CMTM7: variants seen among roughly 807,000 people sequenced by gnomAD.
CMTM7 encodes the protein CKLF-like MARVEL transmembrane domain-containing protein 7.
CMTM7 carries 7 observed loss-of-function variants against 19.3 expected under a neutral mutation model. The ratio of observed to expected loss-of-function variants is 0.36; its 90% CI spans 0.21 to 0.68. The LOEUF is 0.68. CMTM7 is among the 30% of genes least tolerant of loss of function. The pLI is 0.60. For missense variants in CMTM7, 193 were observed against 232.6 expected, an observed-to-expected ratio of 0.83 and a Z score of 1.11; for synonymous variants, 87 against 99.3, an observed-to-expected ratio of 0.88 and a Z score of 0.74.
At position 32,454,225 on chromosome 3, in the gene CMTM7, C is replaced by G. The variant is rs376841366; in HGVS notation, c.515-16C>G. ...CATCCCTGGCAAGCTGTCCTGACTG[C>G]CATTTCCTTCCCAAGATGCAGCCGT... On this transcript the variant is annotated splice_polypyrimidine_tract_variant and intron_variant, in intron 4 of 4. Transcript: ENST00000334983. 60 of 1,593,426 alleles carry G rather than the reference C, an allele frequency of 3.8e-5. No homozygotes were observed. Among genetic ancestry groups the G allele is most frequent in the Non-Finnish European group, 5.1e-5 (59 of 1,165,932 alleles).
Position 32,441,869 on chromosome 3 carries a change from G to T in CMTM7, c.189G>T (p.Val63=). ...CCCTGCTGATTGCCTTCATCTGTGT[G>T]CGGAGCTCCCTGTGGACCAACTACA... ...MVTLLIAFIC[V]RSSLWTNYSA... Residue 63 remains valine, a synonymous_variant, in exon 2 of 5, where the codon GTG becomes GTT. Coordinates refer to ENST00000334983, the MANE Select transcript of CMTM7 (RefSeq NM_138410.4). The T allele has an allele frequency of 6.2e-7, 1 of 1,614,200 alleles. No homozygotes were observed. The highest frequency in any genetic ancestry group is 8.5e-7 in the Non-Finnish European group (1 of 1,180,026).
chr3:32,420,502 G>A (rs757969126), intron 1 of CMTM7, among the ~76,000 whole-genome samples: 1 of 152,220 alleles, frequency 6.6e-6, no homozygotes, highest in Non-Finnish European at 1.5e-5. Flanking sequence ...AGAAAGCAAA[G>A]GAGAATGCAG....
At chr3:32,446,793 T>C (rs990027115) in intron 2 of CMTM7, among the ~76,000 whole-genome samples, 2 of 152,194 alleles carry the variant, frequency 1.3e-5, no homozygotes, top group African/African-American at 4.8e-5. Flanking sequence ...TCTTGCTTCC[T>C]TCCTCTTGGC....
chr3:32,423,823 G>GC (rs1033292207), intron 1 of CMTM7, among the ~76,000 whole-genome samples: 2 of 152,144 alleles, frequency 1.3e-5, no homozygotes, highest in Admixed American at 6.5e-5. Context: ...TTTTAAGCCA[G>GC]CCCCCCAGGT....
intron 1 of CMTM7, among the ~76,000 whole-genome samples, chr3:32,437,091 T>C (rs1441915154): frequency 6.6e-6 from 1 of 152,178 alleles, no homozygotes; most frequent in Non-Finnish European, 1.5e-5. Flanking sequence ...GTCAGCTTCC[T>C]TCATCTCTTG....
chr3:32,447,714 C>T (rs979003129), intron 2 of CMTM7, among the ~76,000 whole-genome samples: 7 of 151,128 alleles, frequency 4.6e-5, no homozygotes, highest in East Asian at 3.9e-4. Flanking sequence ...TTTTTGTGTT[C>T]GATTCTATTT....
chr3:32,439,068 T>G (rs3889267), intron 1 of CMTM7, among the ~76,000 whole-genome samples: 1 of 152,180 alleles, frequency 6.6e-6, no homozygotes, highest in South Asian at 2.1e-4. Context: ...CATGTAGATG[T>G]GGCCTGGAAG....
chr3:32,394,496 G>C (rs1695886763), intron 1 of CMTM7, among the ~76,000 whole-genome samples: 1 of 152,182 alleles, frequency 6.6e-6, no homozygotes, highest in African/African-American at 2.4e-5. Flanking sequence ...TTCCACTGGA[G>C]AATGACTTCC....
chr3:32,437,387 A>G (rs1696612700), intron 1 of CMTM7, among the ~76,000 whole-genome samples: 1 of 152,122 alleles, frequency 6.6e-6, no homozygotes, highest in East Asian at 1.9e-4. Context: ...ACTTGAGGTC[A>G]GGAGTTCGAG....
At chr3:32,420,623 C>A (rs1254351558) in intron 1 of CMTM7, among the ~76,000 whole-genome samples, 1 of 152,156 alleles carries the variant, frequency 6.6e-6, no homozygotes, top group African/African-American at 2.4e-5. Flanking sequence ...GTTGAAAAGG[C>A]TGGAGGAGGA....
chr3:32,429,551 A>G (rs1419712692), intron 1 of CMTM7, among the ~76,000 whole-genome samples: 2 of 151,664 alleles, frequency 1.3e-5, no homozygotes, highest in Admixed American at 6.6e-5. Flanking sequence ...TTGGCCTCCC[A>G]AAGTGCTGGC....
chr3:32,452,919 ATTTTTTTTTTTTTTTTTTT>A (rs368112448), intron 4 of CMTM7, among the ~76,000 whole-genome samples: 6 of 35,320 alleles, frequency 1.7e-4, no homozygotes, highest in South Asian at 1.6e-3. Context: ...CCTAATTTCA[ATTTTTTTTTTTTTTTTTTT>A]TTTTTTTTTT....
chr3:32,433,340 G>A (rs1259207448), intron 1 of CMTM7, among the ~76,000 whole-genome samples: 3 of 152,182 alleles, frequency 2.0e-5, no homozygotes, highest in Non-Finnish European at 2.9e-5. Context: ...ACAGACCATC[G>A]GTCTGGGCTG....
rs1694691741 is a variant in CMTM7 at position 32,454,365 on chromosome 3, G to C, written c.*111G>C. ...TGCCAAAGTCCTGTCAGGCTGGTGG[G>C]CACCAGGAAAGGCCTGCACCCTCTT... is the stretch of plus-strand genomic sequence containing the variant. On this transcript the variant is annotated 3_prime_UTR_variant, in exon 5 of 5. Coordinates refer to ENST00000334983, the MANE Select transcript of CMTM7 (RefSeq NM_138410.4). 2 of 1,385,582 alleles carry C rather than the reference G, an allele frequency of 1.4e-6. No homozygotes were observed. The highest frequency in any genetic ancestry group is 2.0e-6 in the Non-Finnish European group (2 of 983,442). 85.8% of individuals were successfully genotyped at this position (1,385,582 alleles called of 1,614,324 possible).
At chr3:32,414,500 C>G (rs62252077) in intron 1 of CMTM7, among the ~76,000 whole-genome samples, 2,629 of 152,286 alleles carry the variant, frequency 0.017, 37 homozygotes, top group Non-Finnish European at 0.025. Context: ...CAGATGTCCA[C>G]TCTAAGTCAA....
At chr3:32,398,241 A>G (rs938549023) in intron 1 of CMTM7, among the ~76,000 whole-genome samples, 2 of 152,240 alleles carry the variant, frequency 1.3e-5, no homozygotes, top group African/African-American at 4.8e-5. Context: ...TGTGAAATAC[A>G]GCTATTAACA....
At position 32,452,955 on chromosome 3, in the gene CMTM7, G is replaced by C. The variant is rs538280886; in HGVS notation, c.514+482G>C. On this transcript the variant is annotated intron_variant, in intron 4 of 4. Coordinates refer to ENST00000334983, the MANE Select transcript of CMTM7 (RefSeq NM_138410.4). The stretch of plus-strand genomic sequence containing the variant: ...TTTTTTTTTTTTTTTTTTTTTTTTA[G>C]AGTTGGAGTCTCACCATGTTGCCCA... Among the ~76,000 whole-genome samples, 16 of 72,360 alleles carry C rather than the reference G, an allele frequency of 2.2e-4. No individual in the cohort carries two copies. The South Asian group carries it at 8.3e-3, about 38-fold the overall frequency. 47.5% of individuals were successfully genotyped at this position (72,360 alleles called of 152,430 possible). A position where few individuals can be genotyped will look rare whatever the true frequency, so the allele number is the denominator to read the frequency against.
intron 1 of CMTM7, among the ~76,000 whole-genome samples, chr3:32,395,929 T>C (rs1237921252): frequency 6.6e-6 from 1 of 152,204 alleles, no homozygotes; most frequent in African/African-American, 2.4e-5. Flanking sequence ...AAGTGCTACA[T>C]TCATACAATT....
At chr3:32,452,321 G>C (rs762078573) in intron 3 of CMTM7, 71 bp from the exon 4 acceptor site, 12 of 1,612,598 alleles carry the variant, frequency 7.4e-6, no homozygotes, top group African/African-American at 1.3e-5. Flanking sequence ...ACAGAGATGA[G>C]AAGCAGACAG....
Sources: gnomAD v4.1 joint callset for allele counts (sites outside exome capture counted in the v4.1 genomes callset) on GRCh38, gnomAD v4.1.1 for gene constraint, MANE v1.5 for transcripts, NCBI Gene and HGNC (gene_info 2026-07-23, HGNC 2026-07-21) for gene names.